The following AKNA variants were observed in gnomAD, a reference collection of about 807,000 sequenced individuals.
AKNA encodes AT-hook transcription factor.
A neutral mutation model predicts 138.8 loss-of-function variants in AKNA; 67 were observed. That is an observed-to-expected ratio of 0.48 (90% CI 0.40 to 0.59). AKNA has a LOEUF of 0.59. Among genes scored for constraint, AKNA ranks in the 20% least tolerant of loss-of-function variants. The pLI is 0.00. For synonymous variants in AKNA, 737 were observed against 754.4 expected (o/e 0.98, Z 0.38); for missense variants, 1,813 against 1,880.4 (o/e 0.96, Z 0.66).
intron 17 of AKNA, among the ~76,000 whole-genome samples, chr9:114,346,327 C>T (rs1163429233): frequency 2.0e-5 from 3 of 152,168 alleles, no homozygotes; most frequent in African/African-American, 7.2e-5. Context: ...GAGGGGAGCT[C>T]GCTGATCCCG....
Position 114,340,009 on chromosome 9 carries a change from G to A in AKNA, c.4067+1524C>T, listed in dbSNP as rs148581331. ...AGCTACTTGAGAGGAGGAGGCATGA[G>A]AATAGCTTGAATCTTGGAGATGGGG... On this transcript the variant is annotated intron_variant, in intron 21 of 21. Coordinates refer to ENST00000374088, the MANE Select transcript of AKNA (RefSeq NM_001317950.2). Among the ~76,000 whole-genome samples, 817 of 152,352 alleles carry A rather than the reference G, an allele frequency of 5.4e-3. 9 individuals are homozygous for A. The highest frequency in any genetic ancestry group is 0.019 in the African/African-American group (782 of 41,584).
In AKNA at chr9:114,350,976, T is replaced by G. The variant is rs1377130441; in HGVS notation, c.3104A>C (p.Gln1035Pro). ...EFEGHKRISE[Q>P]PLPNKTISPP... ...GCTGATTGTCTTGTTGGGAAGGGGCTGTTCAGAAATCCGTTTGTGCCCCTC... is the reference window on the plus strand; with the variant it reads ...GCTGATTGTCTTGTTGGGAAGGGGCGGTTCAGAAATCCGTTTGTGCCCCTC... Residue 1035 changes from glutamine to proline, a missense_variant, in exon 15 of 22, where the codon CAG (glutamine) becomes CCG (proline). By Grantham distance (76) the Gln-to-Pro change is moderately conservative. Transcript: ENST00000374088. 2 of 1,613,622 alleles carry G rather than the reference T, an allele frequency of 1.2e-6. No individual in the cohort carries two copies. The highest frequency in any genetic ancestry group is 1.7e-5 in the Admixed American group (1 of 60,000).
chr9:114,348,974 G>A (rs1271053957), intron 15 of AKNA: 1 of 456,272 alleles, frequency 2.2e-6, no homozygotes, highest in South Asian at 1.5e-5. Flanking sequence ...AGAAGGAGTG[G>A]AGGCCTCTTC....
At chr9:114,346,518 C>T in intron 17 of AKNA, 151 bp downstream of exon 17, 1 of 586,038 alleles carries the variant, frequency 1.7e-6, no homozygotes, top group South Asian at 2.5e-5. Context: ...TAGAAGTGCT[C>T]TGTGCTTCAC....
At chr9:114,362,011 C>T in intron 8 of AKNA, 100 bp from the exon 9 acceptor site, 1 of 1,209,754 alleles carries the variant, frequency 8.3e-7, no homozygotes, top group Non-Finnish European at 1.2e-6. Flanking sequence ...GGGATGCCCC[C>T]TTAGGGTCCA....
intron 2 of AKNA, among the ~76,000 whole-genome samples, chr9:114,379,839 C>T (rs1175494139): frequency 6.6e-6 from 1 of 152,134 alleles, no homozygotes; most frequent in Non-Finnish European, 1.5e-5. Flanking sequence ...GTTCCCATTG[C>T]TAATTGGGAT....
chr9:114,344,660 T>C (rs926627266), intron 18 of AKNA: 1 of 152,296 alleles, frequency 6.6e-6, no homozygotes, highest in Admixed American at 6.5e-5. Context: ...TCAGAGTCTT[T>C]GGTTTTGACT....
chr9:114,359,611 A>C lies in AKNA; in HGVS notation c.2475T>G (p.Ser825Arg). 1 of 1,614,140 alleles carries C rather than the reference A, an allele frequency of 6.2e-7. No individual in the cohort carries two copies. The highest frequency in any genetic ancestry group is 8.5e-7 in the Non-Finnish European group (1 of 1,180,014). ...PRQCPVQAEK[S>R]HGAPLEEATE... ...TGACTTACTCCAGGGGAGCCCCATGACTTTTCTCAGCCTGCACCGGGCACT... is the reference window on the plus strand; with the variant it reads ...TGACTTACTCCAGGGGAGCCCCATGCCTTTTCTCAGCCTGCACCGGGCACT... The change falls in exon 11 of 22, where the codon AGT becomes AGG. Residue 825 changes from serine to arginine, a missense_variant. Transcript: ENST00000374088.
Position 114,347,803 on chromosome 9 carries a change from C to T in AKNA, c.3319G>A (p.Ala1107Thr). The change falls in exon 16 of 22, where the codon GCA (alanine) becomes ACA (threonine). Residue 1107 changes from alanine to threonine, a missense_variant. Transcript: ENST00000374088. ...CGGGCGGGGCGGTCAAAGGCAGATG[C>T]TGGGCGTGTCGGGCTGCCCTGGAGT... The part of the protein sequence containing the change: ...QPLQGSPTRP[A>T]SAFDRPARTR... 1.9e-6 allele frequency: 3 copies of T among 1,551,042 alleles called. No individual in the cohort carries two copies. Among genetic ancestry groups the T allele is most frequent in the Non-Finnish European group, 1.7e-6 (2 of 1,147,128 alleles).
rs1830021723 is a variant in AKNA at position 114,336,888 on chromosome 9, C to T, written c.*166G>A. On this transcript the variant is annotated 3_prime_UTR_variant, in exon 22 of 22. Transcript: ENST00000374088. ...TTGGTGACCGAGCTGACACCCCCTC[C>T]ACTTGGAAAGCACAGGGACTGAGCA... The T allele has an allele frequency of 6.1e-6, 5 of 824,410 alleles. No homozygotes were observed. The South Asian group carries it at 1.9e-4, about 31-fold the overall frequency. The allele number at this position is 824,410 out of a possible 1,614,324, so 51.1% of individuals were successfully genotyped here.
chr9:114,361,892 A>G lies in AKNA; in HGVS notation c.1936T>C (p.Tyr646His), dbSNP rs759904898. 1.1e-5 allele frequency: 17 copies of G among 1,603,630 alleles called. No homozygotes were observed. The East Asian group carries it at 2.5e-4, about 23-fold the overall frequency. ...TCTTCCAGGCAGCTTCCCAGACGGT[A>G]TATCTCTGCCTCCAGCTCCCTGGAA... Reference protein sequence around the residue: ...DPRRELEAEIYRLGSCLEELK... With the variant: ...DPRRELEAEIHRLGSCLEELK... Residue 646 changes from tyrosine (Y) to histidine (H), a missense_variant, in exon 9 of 22, where the codon TAC (tyrosine) becomes CAC (histidine). Coordinates refer to ENST00000374088, the MANE Select transcript of AKNA (RefSeq NM_001317950.2).
intron 14 of AKNA, among the ~76,000 whole-genome samples, chr9:114,351,842 A>G (rs1036812669): frequency 2.7e-4 from 41 of 152,046 alleles, no homozygotes; most frequent in African/African-American, 9.2e-4. Context: ...AAAACAATAA[A>G]GAAATAAATA....
Position 114,343,808 on chromosome 9 carries a change from G to C in AKNA, c.3662-5C>G, listed in dbSNP as rs745557148. 2.2e-5 allele frequency: 36 copies of C among 1,604,004 alleles called. No homozygotes were observed. Among genetic ancestry groups the C allele is most frequent in the Non-Finnish European group, 3.0e-5 (35 of 1,172,064 alleles). On this transcript the variant is annotated splice_region_variant and splice_polypyrimidine_tract_variant and intron_variant, in intron 18 of 21. Coordinates refer to ENST00000374088, the MANE Select transcript of AKNA (RefSeq NM_001317950.2). Reference sequence around the variant, plus strand: ...ACAGAACATGGTATTCGTGGCCTGGGGAAAGAAACCAGAACTGTCAGTATC... The same window carrying C: ...ACAGAACATGGTATTCGTGGCCTGGCGAAAGAAACCAGAACTGTCAGTATC...
At chr9:114,357,763 A>G (rs949467274) in intron 12 of AKNA, among the ~76,000 whole-genome samples, 158 bp downstream of exon 12, 3 of 152,200 alleles carry the variant, frequency 2.0e-5, no homozygotes, top group Non-Finnish European at 2.9e-5. Flanking sequence ...GACACTGAGC[A>G]TAAGTCCTGC....
At chr9:114,393,505 G>A (rs1390818580) in intron 1 of AKNA, among the ~76,000 whole-genome samples, 7 of 151,838 alleles carry the variant, frequency 4.6e-5, no homozygotes, top group African/African-American at 1.5e-4. Context: ...GATTACAGGC[G>A]TGAGCCACCG....
At chr9:114,394,569 C>T (rs975552827), upstream of AKNA, among the ~76,000 whole-genome samples, 2 of 152,222 alleles carry the variant, frequency 1.3e-5, no homozygotes, top group African/African-American at 4.8e-5. Context: ...TGTGGGAACA[C>T]ATGAAAATCA....
chr9:114,345,617 C>G (rs1830628512), intron 18 of AKNA: 1 of 453,226 alleles, frequency 2.2e-6, no homozygotes. Flanking sequence ...CTTCCCAGAA[C>G]CAAGCATGGG....
chr9:114,343,614 G>A lies in AKNA; in HGVS notation c.3757+94C>T, dbSNP rs900272830. ...TCCCTATAACCCACTGCTAAGTTCA[G>A]GGCAGGCCAGATCTTGTCAAGTACA... On this transcript the variant is annotated intron_variant, in intron 19 of 21. Coordinates refer to ENST00000374088, the MANE Select transcript of AKNA (RefSeq NM_001317950.2). 1.7e-5 allele frequency: 22 copies of A among 1,329,196 alleles called. No homozygotes were observed. In the African/African-American group the frequency reaches 3.0e-4, roughly 18 times the overall value. The allele number at this position is 1,329,196 out of a possible 1,614,324, so 82.3% of individuals were successfully genotyped here. A position where few individuals can be genotyped will look rare whatever the true frequency, so the allele number is the denominator to read the frequency against.
At chr9:114,367,782 C>A (rs1046016238) in intron 5 of AKNA, 85 bp from the exon 6 acceptor site, 13 of 1,426,148 alleles carry the variant, frequency 9.1e-6, no homozygotes, top group Non-Finnish European at 1.0e-5. Flanking sequence ...AAAGCCACCA[C>A]CTCCATCATC....
Sources: allele counts gnomAD v4.1 joint callset (sites outside exome capture counted in the v4.1 genomes callset), GRCh38; gene constraint gnomAD v4.1.1; transcripts MANE v1.5; gene names NCBI Gene and HGNC (gene_info 2026-07-23, HGNC 2026-07-21).